The following EYS variants were observed in gnomAD, a reference collection of about 807,000 sequenced individuals.
EYS encodes EGF-like photoreceptor maintenance factor.
Under a neutral mutation model 282.1 loss-of-function variants are expected in EYS, and 250 were observed. That is an observed-to-expected ratio of 0.89 (90% CI 0.80 to 0.98). The LOEUF (loss-of-function observed/expected upper bound fraction) is 0.98, where lower values mean the gene tolerates loss of function less well. Ranked by LOEUF, EYS falls within the 50% of genes least tolerant of loss-of-function variation. EYS has a pLI of 0.00. For synonymous variants in EYS, 1,355 were observed against 1,282.9 expected, an observed-to-expected ratio of 1.06 and a Z score of -1.20; for missense variants, 4,016 against 3,709.0, an observed-to-expected ratio of 1.08 and a Z score of -2.15.
chr6:64,988,983 C>T (rs1770958275), intron 14 of EYS, among the ~76,000 whole-genome samples: 1 of 151,228 alleles, frequency 6.6e-6, no homozygotes, highest in Non-Finnish European at 1.5e-5. Context: ...CTAGGTGCAC[C>T]ATAGTTAAAT....
intron 12 of EYS, among the ~76,000 whole-genome samples, chr6:65,287,496 A>T (rs1768398838): frequency 6.6e-6 from 1 of 151,518 alleles, no homozygotes; most frequent in African/African-American, 2.4e-5. Context: ...ATCACTAATT[A>T]AATTCCTGCA....
intron 35 of EYS, among the ~76,000 whole-genome samples, chr6:63,938,014 A>G (rs933008957): frequency 6.6e-6 from 1 of 152,234 alleles, no homozygotes; most frequent in African/African-American, 2.4e-5. Context: ...GATATTTCTC[A>G]CTACAAAATA....
intron 2 of EYS, among the ~76,000 whole-genome samples, chr6:65,606,290 A>G (rs1765789740): frequency 6.6e-6 from 1 of 151,858 alleles, no homozygotes; most frequent in Non-Finnish European, 1.5e-5. Flanking sequence ...ACATCAAAGT[A>G]AAACTATTTA....
intron 22 of EYS, among the ~76,000 whole-genome samples, chr6:64,795,227 C>T (rs1289955713): frequency 8.6e-6 from 1 of 116,012 alleles, no homozygotes; most frequent in Non-Finnish European, 1.9e-5. Flanking sequence ...AAGAGCAAAA[C>T]TCCGTCTCAA....
At chr6:64,944,278 C>T (rs945138208) in intron 15 of EYS, among the ~76,000 whole-genome samples, 2 of 151,872 alleles carry the variant, frequency 1.3e-5, no homozygotes, top group Admixed American at 6.6e-5. Context: ...TAAAAGAAAA[C>T]CTAGAAAACA....
intron 12 of EYS, among the ~76,000 whole-genome samples, chr6:65,141,303 G>T (rs1764333897): frequency 6.6e-6 from 1 of 151,990 alleles, no homozygotes; most frequent in Non-Finnish European, 1.5e-5. Context: ...GAGAACACAT[G>T]GACACAGGAA....
intron 12 of EYS, among the ~76,000 whole-genome samples, chr6:65,216,775 A>G (rs1327396386): frequency 2.6e-5 from 4 of 151,868 alleles, no homozygotes; most frequent in African/African-American, 9.7e-5. Context: ...TGGCTTGCAA[A>G]TATTTTATAA....
intron 12 of EYS, among the ~76,000 whole-genome samples, chr6:65,158,873 C>A (rs1429893904): frequency 1.3e-5 from 2 of 150,938 alleles, no homozygotes; most frequent in Non-Finnish European, 3.0e-5. Flanking sequence ...GGAATCATTT[C>A]TAATAGAAAC....
intron 30 of EYS, among the ~76,000 whole-genome samples, chr6:64,264,859 G>A (rs1767704403): frequency 6.6e-6 from 1 of 152,154 alleles, no homozygotes; most frequent in African/African-American, 2.4e-5. Flanking sequence ...AGCCAAGGTC[G>A]TGCCACTGTA....
chr6:65,637,457 C>T lies in EYS; in HGVS notation c.-333+2321G>A, dbSNP rs534088536. 1.6e-4 allele frequency among the ~76,000 whole-genome samples: 25 copies of T among 152,306 alleles called. 1 individual carries two copies. The highest frequency in any genetic ancestry group is 5.5e-4 in the African/African-American group (23 of 41,564). ...GGACAGGGTTGCATGTTCTGCAGAG[C>T]TGGTGGGAGCCAGGAGCAGGCGAGA... On this transcript the variant is annotated intron_variant, in intron 2 of 42. Transcript: ENST00000503581.
At chr6:64,204,156 T>A (rs1182635722) in intron 31 of EYS, among the ~76,000 whole-genome samples, 2 of 152,198 alleles carry the variant, frequency 1.3e-5, no homozygotes, top group African/African-American at 2.4e-5. Flanking sequence ...TTTATTTCTG[T>A]CTTCTGGAAA....
intron 31 of EYS, among the ~76,000 whole-genome samples, chr6:64,133,249 AT>A (rs1774044277): frequency 6.6e-6 from 1 of 152,050 alleles, no homozygotes; most frequent in East Asian, 1.9e-4. Context: ...AAGCTCATAC[AT>A]GGACATTTTT....
At chr6:65,189,848 C>A (rs1765600538) in intron 12 of EYS, among the ~76,000 whole-genome samples, 1 of 151,724 alleles carries the variant, frequency 6.6e-6, no homozygotes, top group African/African-American at 2.4e-5. Flanking sequence ...TGAATATTTA[C>A]CATTGAATAA....
chr6:64,195,626 GTTAT>G (rs1303454367), intron 31 of EYS, among the ~76,000 whole-genome samples: 1 of 151,948 alleles, frequency 6.6e-6, no homozygotes, highest in Admixed American at 6.6e-5. Context: ...TGAATTTAAG[GTTAT>G]TTGTCTTTTT....
intron 12 of EYS, among the ~76,000 whole-genome samples, chr6:65,060,937 A>C (rs188538153): frequency 1.3e-5 from 2 of 151,912 alleles, no homozygotes; most frequent in East Asian, 3.9e-4. Context: ...TGAAAAATTA[A>C]CAGACTAAAT....
intron 29 of EYS, among the ~76,000 whole-genome samples, chr6:64,323,229 C>T (rs963786254): frequency 2.7e-4 from 21 of 79,056 alleles, no homozygotes; most frequent in Admixed American, 6.2e-4. Context: ...TAGGGAATTA[C>T]TAATATTACA....
intron 2 of EYS, among the ~76,000 whole-genome samples, chr6:65,550,167 T>TATCTCGACTAC: frequency 1.1e-4 from 1 of 9,342 alleles, no homozygotes; most frequent in East Asian, 8.1e-3. Context: ...TTTTTTTTTT[T>TATCTCGACTAC]TTTTTTTTTT....
At chr6:64,494,171 T>C (rs1221429503) in intron 26 of EYS, among the ~76,000 whole-genome samples, 1 of 151,584 alleles carries the variant, frequency 6.6e-6, no homozygotes. Context: ...ATCCTCATTG[T>C]CTCAAGAGGG....
rs80151524 is a variant in EYS, at chr6:64,990,147, T to C, written c.2259+7435A>G. Among the ~76,000 whole-genome samples, 487 of 151,666 alleles carry C rather than the reference T, an allele frequency of 3.2e-3. 4 individuals carry two copies. The highest frequency in any genetic ancestry group is 0.011 in the African/African-American group (463 of 41,504). On this transcript the variant is annotated intron_variant, in intron 14 of 42. Coordinates refer to ENST00000503581, the MANE Select transcript of EYS (RefSeq NM_001142800.2). ...ACAGGGACTTAGAACACAATGGAGT[T>C]ATTTACTGAGGCTATTAAGTTAATA...
Sources: allele counts gnomAD v4.1 joint callset (sites outside exome capture counted in the v4.1 genomes callset), GRCh38; gene constraint gnomAD v4.1.1; transcripts MANE v1.5; gene names NCBI Gene and HGNC (gene_info 2026-07-23, HGNC 2026-07-21).